Variants in HTT observed in about 807,000 individuals in gnomAD.
The protein encoded by HTT is huntington disease protein.
A neutral mutation model predicts 362.3 loss-of-function variants in HTT; 104 were observed. The observed-to-expected ratio is 0.29, with a 90% CI of 0.24 to 0.34. The LOEUF is 0.34. Among genes scored for constraint, HTT ranks in the 10% least tolerant of loss-of-function variants. The pLI, the probability that HTT is intolerant of heterozygous loss-of-function variation, is 1.00. For synonymous variants in HTT, 1,577 were observed against 1,548.7 expected, an observed-to-expected ratio of 1.02 and a Z score of -0.43; for missense variants, 3,301 against 3,928.6, an observed-to-expected ratio of 0.84 and a Z score of 4.27.
At chr4:3,084,593 G>T (rs1268807772) in intron 1 of HTT, among the ~76,000 whole-genome samples, 1 of 150,464 alleles carries the variant, frequency 6.6e-6, no homozygotes, top group Admixed American at 6.6e-5. Context: ...GGGAGGCTGA[G>T]GCAAGAGAAC....
intron 28 of HTT, among the ~76,000 whole-genome samples, chr4:3,157,761 A>G (rs76692775): frequency 2.0e-5 from 3 of 146,662 alleles, no homozygotes; most frequent in African/African-American, 7.5e-5. Flanking sequence ...TTTTTAGTTC[A>G]TTTTTTTTTT....
intron 27 of HTT, among the ~76,000 whole-genome samples, 162 bp from the exon 28 acceptor site, chr4:3,156,906 TGTTA>T (rs1012969632): frequency 2.6e-5 from 4 of 152,244 alleles, no homozygotes; most frequent in African/African-American, 9.6e-5. Context: ...TACTTATGTT[TGTTA>T]GTCAATTTCT....
In HTT at chr4:3,175,010, C is replaced by T. The variant is rs760144960; in HGVS notation, c.4310C>T (p.Thr1437Met). The T allele has an allele frequency of 1.9e-6, 3 of 1,612,442 alleles. No individual in the cohort carries two copies. Among genetic ancestry groups the T allele is most frequent in the Admixed American group, 1.7e-5 (1 of 60,012 alleles). The change falls in exon 33 of 67, where the codon ACG becomes ATG. Residue 1437 changes from threonine to methionine, a missense_variant. Around this residue, in one of 4 missense-constraint regions of HTT, gnomAD observed 2,316 missense variants for 2,658.5 expected, o/e 0.87. Coordinates refer to ENST00000355072, the MANE Select transcript of HTT (RefSeq NM_001388492.1). ...GTTATAAAAGCTTTAAAACAGTACACGACTACAACATGTGTGCAGTTACAG... is the reference window on the plus strand; with the variant it reads ...GTTATAAAAGCTTTAAAACAGTACATGACTACAACATGTGTGCAGTTACAG... ...PLVIKALKQY[T>M]TTTCVQLQKQ...
At chr4:3,183,690 A>G (rs961775427) in intron 37 of HTT, among the ~76,000 whole-genome samples, 2 of 152,198 alleles carry the variant, frequency 1.3e-5, no homozygotes, top group African/African-American at 2.4e-5. Flanking sequence ...CTCCCTGCCT[A>G]CAGATGGTTT....
At chr4:3,238,730 G>GCCCCCCCCCCCC in intron 65 of HTT, 88 bp from the exon 66 acceptor site, 5 of 1,096,978 alleles carry the variant, frequency 4.6e-6, no homozygotes, top group East Asian at 2.5e-5. Context: ...AATGCCTCTG[G>GCCCCCCCCCCCC]CCCCCACCCC....
intron 37 of HTT, 40 bp from the exon 38 acceptor site, chr4:3,186,550 GTTTCTTT>G: frequency 6.2e-7 from 1 of 1,600,480 alleles, no homozygotes. Flanking sequence ...GGAAGCTGTC[GTTTCTTT>G]TGGCTTACGT....
intron 2 of HTT, among the ~76,000 whole-genome samples, chr4:3,097,357 TGTG>T (rs1713905102): frequency 2.6e-5 from 4 of 151,960 alleles, no homozygotes. Context: ...ATGAGGCAGG[TGTG>T]GTGGTTCACG....
In HTT at chr4:3,146,875, C is replaced by G; in HGVS notation, c.3222C>G (p.Leu1074=). 1 of 1,614,140 alleles carries G rather than the reference C, an allele frequency of 6.2e-7. No homozygotes were observed. Among genetic ancestry groups the G allele is most frequent in the Non-Finnish European group, 8.5e-7 (1 of 1,179,970 alleles). ...TGGCCACAATGATTCTGACCCTGCT[C>G]TCGTCAGCTTGGTTCCCATTGGATC... The part of the protein sequence containing the change: ...VGMATMILTL[L]SSAWFPLDLS... Residue 1074 remains leucine, a synonymous_variant, in exon 25 of 67, where the codon CTC becomes CTG. Transcript: ENST00000355072.
chr4:3,148,723 G>T (rs1226995915), intron 26 of HTT, among the ~76,000 whole-genome samples: 6 of 152,188 alleles, frequency 3.9e-5, no homozygotes. Flanking sequence ...GCGTGAATCC[G>T]GGAGGCGGAG....
chr4:3,181,071 T>C (rs961136848), intron 36 of HTT, among the ~76,000 whole-genome samples: 18 of 151,402 alleles, frequency 1.2e-4, no homozygotes, highest in Non-Finnish European at 1.9e-4. Context: ...TTAGTAGAGA[T>C]GGGGTTTCAC....
intron 6 of HTT, among the ~76,000 whole-genome samples, chr4:3,110,009 C>T (rs147024019): frequency 6.6e-6 from 1 of 152,256 alleles, no homozygotes; most frequent in East Asian, 1.9e-4. Context: ...TTGATTGGGG[C>T]CTTCAGCAGC....
chr4:3,239,697 G>A (rs1721717037), intron 66 of HTT, 149 bp from the exon 67 acceptor site: 1 of 628,964 alleles, frequency 1.6e-6, no homozygotes, highest in African/African-American at 1.8e-5. Flanking sequence ...TGCAGCTGGA[G>A]GCATCCAGGT....
intron 34 of HTT, among the ~76,000 whole-genome samples, chr4:3,177,858 C>T (rs564188318): frequency 9.2e-5 from 14 of 152,256 alleles, no homozygotes; most frequent in African/African-American, 3.1e-4. Context: ...ACCTAAAATG[C>T]TTAATAAACA....
chr4:3,210,436 G>A (rs983238941), intron 47 of HTT, among the ~76,000 whole-genome samples: 5 of 152,190 alleles, frequency 3.3e-5, no homozygotes, highest in African/African-American at 7.2e-5. Context: ...ATCTTTAGTC[G>A]TAAAAGAGAC....
Position 3,116,204 on chromosome 4 carries a change from A to G in HTT, c.1009A>G (p.Ser337Gly). 5.6e-6 allele frequency: 9 copies of G among 1,614,076 alleles called. No individual in the cohort carries two copies. Among genetic ancestry groups the G allele is most frequent in the Non-Finnish European group, 6.8e-6 (8 of 1,179,904 alleles). The change falls in exon 8 of 67, where the codon AGC becomes GGC. Residue 337 changes from serine to glycine, a missense_variant. Physicochemically the swap from Ser to Gly is moderately conservative, Grantham distance 56. Coordinates refer to ENST00000355072, the MANE Select transcript of HTT (RefSeq NM_001388492.1). The stretch of plus-strand genomic sequence containing the variant: ...GGTCAAGGACACAAGCCTGAAAGGC[A>G]GCTTCGGAGTGACAAGGAAAGAAAT... Reference protein sequence around the residue: ...QQVKDTSLKGSFGVTRKEMEV... With the variant: ...QQVKDTSLKGGFGVTRKEMEV...
At chr4:3,239,311 T>A (rs1234795656) in intron 66 of HTT, among the ~76,000 whole-genome samples, 3 of 152,132 alleles carry the variant, frequency 2.0e-5, no homozygotes, top group Non-Finnish European at 2.9e-5. Context: ...TGGCTGGGCT[T>A]CTCCTGACAC....
In HTT at chr4:3,196,507, G is replaced by A. The variant is rs528753776; in HGVS notation, c.5369-3225G>A. Among the ~76,000 whole-genome samples, 22 of 152,282 alleles carry A rather than the reference G, an allele frequency of 1.4e-4. No individual in the cohort carries two copies. In the South Asian group the frequency reaches 3.7e-3, roughly 26 times the overall value. On this transcript the variant is annotated intron_variant, in intron 40 of 66. Coordinates refer to ENST00000355072, the MANE Select transcript of HTT (RefSeq NM_001388492.1). ...ATCCTGTGCACTTTGGGAAGCCAAGGTGGGCAGATTGCTTGAGCCCAGGAG... is the reference window on the plus strand; with the variant it reads ...ATCCTGTGCACTTTGGGAAGCCAAGATGGGCAGATTGCTTGAGCCCAGGAG...
intron 36 of HTT, among the ~76,000 whole-genome samples, chr4:3,181,767 G>C (rs1001008482): frequency 5.3e-5 from 8 of 152,182 alleles, no homozygotes; most frequent in African/African-American, 1.9e-4. Flanking sequence ...TGGCAAGCAG[G>C]TGGTGGCAGG....
intron 23 of HTT, 58 bp downstream of exon 23, chr4:3,142,944 T>C (rs1219379313): frequency 6.9e-7 from 1 of 1,442,452 alleles, no homozygotes; most frequent in Non-Finnish European, 9.7e-7. Flanking sequence ...GTAGCTTGTA[T>C]GGCCAGTTAG....
Sources: gnomAD v4.1 joint callset for allele counts (sites outside exome capture counted in the v4.1 genomes callset) on GRCh38, gnomAD v4.1.1 for gene constraint, gnomAD v4.1.1 regional missense constraint, MANE v1.5 for transcripts, NCBI Gene and HGNC (gene_info 2026-07-23, HGNC 2026-07-21) for gene names.